Variants in SDK1 observed in about 807,000 individuals in gnomAD.
The protein encoded by SDK1 is protein sidekick-1.
A neutral mutation model predicts 245.5 loss-of-function variants in SDK1; 157 were observed. That is an observed-to-expected ratio of 0.64 (90% CI 0.56 to 0.73). The LOEUF is 0.73. Among genes scored for constraint, SDK1 ranks in the 30% least tolerant of loss-of-function variants. SDK1 has a pLI of 0.00. For synonymous variants in SDK1, 1,647 were observed against 1,278.5 expected, an observed-to-expected ratio of 1.29 and a Z score of -6.15; for missense variants, 3,583 against 3,002.3, an observed-to-expected ratio of 1.19 and a Z score of -4.52.
intron 4 of SDK1, among the ~76,000 whole-genome samples, chr7:3,723,112 A>G (rs977810015): frequency 1.3e-5 from 2 of 152,248 alleles, no homozygotes; most frequent in East Asian, 1.9e-4. Context: ...GTGAGTCCAT[A>G]TAAAATTCTG....
At position 3,320,789 on chromosome 7, in the gene SDK1, A is replaced by G. The variant is rs1035365547; in HGVS notation, c.298+18905A>G. 2.6e-5 allele frequency among the ~76,000 whole-genome samples: 4 copies of G among 152,168 alleles called. No homozygotes were observed. In the South Asian group the frequency reaches 8.3e-4, roughly 32 times the overall value. ...TTTTGCTGCATCTAGAGTGAGACCA[A>G]ACTTTATAATATAGTGATAAGCTTG... On this transcript the variant is annotated intron_variant, in intron 1 of 44. Coordinates refer to ENST00000404826, the MANE Select transcript of SDK1 (RefSeq NM_152744.4).
At chr7:3,911,682 G>A (rs1779169686) in intron 5 of SDK1, among the ~76,000 whole-genome samples, 1 of 152,158 alleles carries the variant, frequency 6.6e-6, no homozygotes, top group South Asian at 2.1e-4. Flanking sequence ...GCCGGTGGTA[G>A]CCCAGGCCAG....
intron 17 of SDK1, among the ~76,000 whole-genome samples, chr7:4,025,272 A>G (rs768348466): frequency 1.3e-5 from 2 of 152,256 alleles, no homozygotes; most frequent in African/African-American, 2.4e-5. Context: ...TCCCTTTCGG[A>G]AAAAGCTTCC....
chr7:4,019,682 G>A (rs756828969), intron 17 of SDK1, among the ~76,000 whole-genome samples: 12 of 151,830 alleles, frequency 7.9e-5, no homozygotes, highest in African/African-American at 1.2e-4. Flanking sequence ...TCTGCAGCTC[G>A]GCTTCTGTAG....
intron 26 of SDK1, among the ~76,000 whole-genome samples, chr7:4,127,910 G>T (rs765132666): frequency 6.6e-6 from 1 of 152,170 alleles, no homozygotes; most frequent in Admixed American, 6.5e-5. Flanking sequence ...TACACAGCAC[G>T]CCTTGCTCAT....
At chr7:3,358,719 A>C (rs550781077) in intron 1 of SDK1, among the ~76,000 whole-genome samples, 1 of 152,222 alleles carries the variant, frequency 6.6e-6, no homozygotes, top group African/African-American at 2.4e-5. Flanking sequence ...ATTGGCAGTC[A>C]TCCCCTGGAA....
At chr7:3,928,768 T>G (rs572723503) in intron 5 of SDK1, among the ~76,000 whole-genome samples, 1 of 152,278 alleles carries the variant, frequency 6.6e-6, no homozygotes, top group South Asian at 2.1e-4. Context: ...ATCTTCACAC[T>G]TACAGGAATC....
In SDK1 at chr7:3,482,944, T is replaced by C. The variant is rs1043431382; in HGVS notation, c.299-136136T>C. The stretch of plus-strand genomic sequence containing the variant: ...GCTATGATGATGCTGGTGACAACAA[T>C]GATGATTTCAAGTCTTTTTAATTCT... On this transcript the variant is annotated intron_variant, in intron 1 of 44. Coordinates refer to ENST00000404826, the MANE Select transcript of SDK1 (RefSeq NM_152744.4). Among the ~76,000 whole-genome samples, 7 of 151,566 alleles carry C rather than the reference T, an allele frequency of 4.6e-5. No individual in the cohort carries two copies. The South Asian group carries it at 1.4e-3, about 31-fold the overall frequency.
chr7:4,195,346 C>T (rs1371208405), intron 35 of SDK1, among the ~76,000 whole-genome samples: 2 of 152,166 alleles, frequency 1.3e-5, no homozygotes, highest in Non-Finnish European at 1.5e-5. Context: ...GATTTGAGGC[C>T]GACTCCTTGC....
intron 1 of SDK1, among the ~76,000 whole-genome samples, chr7:3,349,179 G>T (rs1310663891): frequency 8.0e-6 from 1 of 124,334 alleles, no homozygotes; most frequent in Non-Finnish European, 1.7e-5. Context: ...CTGCCCTGTG[G>T]TTGCAGTTTA....
In SDK1 at chr7:4,265,684, T is replaced by G; in HGVS notation, c.*300T>G. On this transcript the variant is annotated 3_prime_UTR_variant, in exon 45 of 45. Coordinates refer to ENST00000404826, the MANE Select transcript of SDK1 (RefSeq NM_152744.4). ...CCGGGGCCTGGGAGGACCTCAGACC[T>G]CCCCAGCCCTGGGTTTCTCCGTCTT... 4.3e-6 allele frequency: 5 copies of G among 1,160,298 alleles called. No individual in the cohort carries two copies. In the South Asian group the frequency reaches 1.2e-4, roughly 29 times the overall value. The allele number at this position is 1,160,298 out of a possible 1,614,324, so 71.9% of individuals were successfully genotyped here.
At chr7:3,786,167 C>T (rs1340404273) in intron 4 of SDK1, among the ~76,000 whole-genome samples, 1 of 152,154 alleles carries the variant, frequency 6.6e-6, no homozygotes, top group Non-Finnish European at 1.5e-5. Flanking sequence ...TTTACTCTTT[C>T]CCTTCTTCCT....
At chr7:4,039,980 C>T (rs549678064) in intron 17 of SDK1, among the ~76,000 whole-genome samples, 1 of 152,346 alleles carries the variant, frequency 6.6e-6, no homozygotes, top group African/African-American at 2.4e-5. Context: ...AGCGCCCCCA[C>T]ATGCTGAGCA....
chr7:3,576,477 C>T (rs947510180), intron 1 of SDK1, among the ~76,000 whole-genome samples: 4 of 152,004 alleles, frequency 2.6e-5, no homozygotes, highest in African/African-American at 9.7e-5. Flanking sequence ...TGCAGTGGTC[C>T]AGTTAGAGAT....
intron 1 of SDK1, among the ~76,000 whole-genome samples, chr7:3,510,048 T>G (rs998979982): frequency 6.6e-6 from 1 of 152,184 alleles, no homozygotes; most frequent in African/African-American, 2.4e-5. Context: ...TGACAACCAT[T>G]GACTTAGAAC....
At chr7:4,000,173 T>C (rs1008817226) in intron 14 of SDK1, among the ~76,000 whole-genome samples, 1 of 152,112 alleles carries the variant, frequency 6.6e-6, no homozygotes, top group Non-Finnish European at 1.5e-5. Flanking sequence ...GACGTGGAAG[T>C]AGGAGGCCTG....
intron 1 of SDK1, among the ~76,000 whole-genome samples, chr7:3,358,189 T>C (rs1281849832): frequency 2.6e-5 from 4 of 152,034 alleles, no homozygotes; most frequent in Non-Finnish European, 4.4e-5. Context: ...CCCCAGCTAA[T>C]TTTTGTATTT....
chr7:3,419,536 C>T (rs961724629), intron 1 of SDK1, among the ~76,000 whole-genome samples: 11 of 152,164 alleles, frequency 7.2e-5, no homozygotes, highest in African/African-American at 2.4e-4. Flanking sequence ...GTATTGAGTG[C>T]TCTGGACACC....
At chr7:4,052,346 T>C (rs1416202028) in intron 19 of SDK1, among the ~76,000 whole-genome samples, 1 of 152,078 alleles carries the variant, frequency 6.6e-6, no homozygotes, top group African/African-American at 2.4e-5. Context: ...CTAATGAAGT[T>C]ACCCCGAGAA....
Sources: gnomAD v4.1 joint callset for allele counts (sites outside exome capture counted in the v4.1 genomes callset) on GRCh38, gnomAD v4.1.1 for gene constraint, MANE v1.5 for transcripts, NCBI Gene and HGNC (gene_info 2026-07-23, HGNC 2026-07-21) for gene names.